PTPRO: variants seen among roughly 807,000 people sequenced by gnomAD.
The protein encoded by PTPRO is protein tyrosine phosphatase receptor type O, also known as receptor-type tyrosine-protein phosphatase O.
In PTPRO, 62 loss-of-function variants were observed where a neutral mutation model predicts 145.2. That is an observed-to-expected ratio of 0.43 (90% CI 0.35 to 0.53). PTPRO has a LOEUF of 0.53. PTPRO is among the 20% of genes least tolerant of loss of function. PTPRO has a pLI of 0.01. For synonymous variants in PTPRO, 565 were observed against 514.7 expected, an observed-to-expected ratio of 1.10 and a Z score of -1.32; for missense variants, 1,345 against 1,482.7, an observed-to-expected ratio of 0.91 and a Z score of 1.53.
intron 6 of PTPRO, among the ~76,000 whole-genome samples, chr12:15,504,365 G>C (rs1942279401): frequency 1.3e-5 from 2 of 152,098 alleles, no homozygotes; most frequent in Admixed American, 1.3e-4. Flanking sequence ...CAAGGATGTG[G>C]ACATACAGTT....
chr12:15,387,247 T>C (rs1378853842), intron 1 of PTPRO, among the ~76,000 whole-genome samples: 1 of 152,080 alleles, frequency 6.6e-6, no homozygotes, highest in Non-Finnish European at 1.5e-5. Context: ...CCTCCAGACC[T>C]CATTTCCAAA....
chr12:15,495,717 G>A (rs1176865059), intron 2 of PTPRO, among the ~76,000 whole-genome samples: 4 of 151,990 alleles, frequency 2.6e-5, no homozygotes, highest in African/African-American at 9.7e-5. Context: ...CATTTCTATA[G>A]GCAGAAACAG....
At chr12:15,431,377 A>G (rs1205869053) in intron 1 of PTPRO, among the ~76,000 whole-genome samples, 1 of 152,196 alleles carries the variant, frequency 6.6e-6, no homozygotes, top group Non-Finnish European at 1.5e-5. Context: ...CCTTTTGGAA[A>G]ACTATACCAT....
chr12:15,414,037 A>G (rs1157149332), intron 1 of PTPRO, among the ~76,000 whole-genome samples: 1 of 152,202 alleles, frequency 6.6e-6, no homozygotes, highest in Non-Finnish European at 1.5e-5. Context: ...AAGTAACTAG[A>G]AAGGAAACTA....
intron 1 of PTPRO, among the ~76,000 whole-genome samples, chr12:15,353,639 A>C (rs138525813): frequency 6.6e-6 from 1 of 152,058 alleles, no homozygotes; most frequent in Non-Finnish European, 1.5e-5. Flanking sequence ...TTTCCTGGGC[A>C]TTTTTCCTCA....
chr12:15,489,653 G>A (rs1941960076), intron 2 of PTPRO, among the ~76,000 whole-genome samples: 1 of 152,118 alleles, frequency 6.6e-6, no homozygotes, highest in South Asian at 2.1e-4. Context: ...TGGTTTTGGT[G>A]GGGTTTGGCC....
At chr12:15,446,860 A>G (rs1940915388) in intron 1 of PTPRO, among the ~76,000 whole-genome samples, 1 of 152,130 alleles carries the variant, frequency 6.6e-6, no homozygotes. Context: ...CCGTTGAGGA[A>G]AAGTCTATTT....
intron 1 of PTPRO, among the ~76,000 whole-genome samples, chr12:15,397,199 G>C (rs1165939485): frequency 6.6e-6 from 1 of 152,008 alleles, no homozygotes; most frequent in Non-Finnish European, 1.5e-5. Context: ...TAGCCACCAA[G>C]ATCTAAGTAA....
At chr12:15,530,984 G>GA (rs1432814531) in intron 12 of PTPRO, among the ~76,000 whole-genome samples, 1 of 151,606 alleles carries the variant, frequency 6.6e-6, no homozygotes, top group Non-Finnish European at 1.5e-5. Flanking sequence ...ACTAGACTGA[G>GA]AAAAAAAGAG....
chr12:15,561,133 A>C (rs1178490460), intron 17 of PTPRO, among the ~76,000 whole-genome samples: 1 of 152,086 alleles, frequency 6.6e-6, no homozygotes, highest in Non-Finnish European at 1.5e-5. Flanking sequence ...ATTGTCCTTA[A>C]ATATTAATAC....
In PTPRO at chr12:15,406,633, T is replaced by G. The variant is rs1288727303; in HGVS notation, c.76-77341T>G. On this transcript the variant is annotated intron_variant, in intron 1 of 26. Transcript: ENST00000281171. ...CAGGCAATAATGCCATAATATGCGA[T>G]TAAATACAATTATGACTTTCTTCTC... Among the ~76,000 whole-genome samples the G allele has an allele frequency of 6.6e-5, 10 of 152,320 alleles. No homozygotes were observed. The South Asian group carries it at 1.9e-3, about 28-fold the overall frequency.
At chr12:15,570,787 G>A (rs1944027850) in intron 19 of PTPRO, among the ~76,000 whole-genome samples, 1 of 152,164 alleles carries the variant, frequency 6.6e-6, no homozygotes, top group African/African-American at 2.4e-5. Flanking sequence ...TTATGGTATA[G>A]CTACACTTTT....
chr12:15,382,259 T>C (rs905078940), intron 1 of PTPRO, among the ~76,000 whole-genome samples: 3 of 151,996 alleles, frequency 2.0e-5, no homozygotes, highest in Non-Finnish European at 4.4e-5. Context: ...AATCTTAAGC[T>C]AAAGCCTAGA....
At chr12:15,580,935 C>T in intron 22 of PTPRO, 104 bp downstream of exon 22, 3 of 1,454,756 alleles carry the variant, frequency 2.1e-6, no homozygotes, top group Non-Finnish European at 2.9e-6. Flanking sequence ...AACATAGAGA[C>T]AAATCGCTAA....
rs560033989 is a variant in PTPRO at position 15,517,179 on chromosome 12, C to A, written c.1779+223C>A. 10 of 588,558 alleles carry A rather than the reference C, an allele frequency of 1.7e-5. No individual in the cohort carries two copies. In the East Asian group the frequency reaches 3.0e-4, roughly 18 times the overall value. 36.5% of individuals were successfully genotyped at this position (588,558 alleles called of 1,614,324 possible). On this transcript the variant is annotated intron_variant, in intron 9 of 26. Transcript: ENST00000281171. ...TACAGTTCCACGTGGCTGGGGAAGC[C>A]TCACAATCATGACAGAAGGCAAGGA...
chr12:15,525,099 G>A, intron 11 of PTPRO, 134 bp downstream of exon 11: 2 of 1,068,714 alleles, frequency 1.9e-6, no homozygotes, highest in South Asian at 1.4e-5. Context: ...CTGGAGATAA[G>A]ACAGTGAACA....
intron 1 of PTPRO, among the ~76,000 whole-genome samples, chr12:15,372,241 T>C (rs766998582): frequency 1.3e-5 from 2 of 152,190 alleles, no homozygotes; most frequent in African/African-American, 4.8e-5. Context: ...TCTTAGCATG[T>C]AGGGGTGCAG....
intron 1 of PTPRO, among the ~76,000 whole-genome samples, chr12:15,351,647 G>A (rs1937806229): frequency 6.6e-6 from 1 of 152,122 alleles, no homozygotes; most frequent in Admixed American, 6.5e-5. Context: ...AGGTAGAGGA[G>A]AAAACATTTT....
chr12:15,508,799 G>C, intron 7 of PTPRO, 32 bp downstream of exon 7: 1 of 1,603,404 alleles, frequency 6.2e-7, no homozygotes, highest in Non-Finnish European at 8.5e-7. Flanking sequence ...TGGGCTCGCC[G>C]GTCCTTCCTA....
Sources: gnomAD v4.1 joint callset for allele counts (sites outside exome capture counted in the v4.1 genomes callset) on GRCh38, gnomAD v4.1.1 for gene constraint, MANE v1.5 for transcripts, NCBI Gene and HGNC (gene_info 2026-07-23, HGNC 2026-07-21) for gene names.